L3MBTL4: variants seen among roughly 807,000 people sequenced by gnomAD.
The protein encoded by L3MBTL4 is L3MBTL histone methyl-lysine binding protein 4.
In L3MBTL4, 70 loss-of-function variants were observed where a neutral mutation model predicts 84.5. The ratio of observed to expected loss-of-function variants is 0.83; its 90% CI spans 0.68 to 1.01. The LOEUF (loss-of-function observed/expected upper bound fraction) is 1.01, where lower values mean the gene tolerates loss of function less well. Ranked by LOEUF, L3MBTL4 falls within the 50% of genes least tolerant of loss-of-function variation. The probability of loss-of-function intolerance (pLI) is 0.00; values close to 1 mark genes in which losing one functional copy is unlikely to be tolerated. For synonymous variants in L3MBTL4, 274 were observed against 259.8 expected, an observed-to-expected ratio of 1.05 and a Z score of -0.52; for missense variants, 715 against 754.8, an observed-to-expected ratio of 0.95 and a Z score of 0.62.
chr18:6,079,972 C>A (rs2058015630), intron 16 of L3MBTL4: 1 of 152,248 alleles, frequency 6.6e-6, no homozygotes, highest in African/African-American at 2.4e-5. Context: ...ATGAAATCCA[C>A]AATTCCTCCA....
intron 15 of L3MBTL4, 36 bp from the exon 16 acceptor site, chr18:6,080,987 A>G: frequency 6.7e-7 from 1 of 1,493,874 alleles, no homozygotes; most frequent in Non-Finnish European, 9.2e-7. Context: ...TAGATTCATT[A>G]TCCTGTGAGG....
chr18:6,170,074 C>T (rs569631453), intron 13 of L3MBTL4, among the ~76,000 whole-genome samples: 69 of 152,058 alleles, frequency 4.5e-4, no homozygotes, highest in South Asian at 2.7e-3. Flanking sequence ...TAAATTCATG[C>T]GATAGATATT....
intron 16 of L3MBTL4, among the ~76,000 whole-genome samples, chr18:5,971,469 A>G (rs2052639093): frequency 6.6e-6 from 1 of 152,236 alleles, no homozygotes. Context: ...TCTCAAACTC[A>G]TGCCCTGGGT....
chr18:5,999,128 T>C (rs1490342574), intron 16 of L3MBTL4, among the ~76,000 whole-genome samples: 2 of 152,192 alleles, frequency 1.3e-5, no homozygotes, highest in East Asian at 3.9e-4. Flanking sequence ...CAGATGTGTC[T>C]CTGGTGTAGT....
At chr18:6,344,744 A>T (rs2052790613) in intron 1 of L3MBTL4, among the ~76,000 whole-genome samples, 1 of 152,176 alleles carries the variant, frequency 6.6e-6, no homozygotes. Context: ...AAATCAATAA[A>T]TGTCATATGC....
chr18:5,968,900 T>G (rs1449290123), intron 17 of L3MBTL4, among the ~76,000 whole-genome samples: 3 of 152,158 alleles, frequency 2.0e-5, no homozygotes, highest in Non-Finnish European at 4.4e-5. Flanking sequence ...TGAGCAAACC[T>G]GCAGCAGGGG....
intron 13 of L3MBTL4, among the ~76,000 whole-genome samples, chr18:6,164,067 G>A (rs187746105): frequency 2.8e-4 from 42 of 152,302 alleles, no homozygotes; most frequent in Admixed American, 2.4e-3. Context: ...CTATGCCCAC[G>A]GAGCCTCGCT....
chr18:6,248,844 C>T (rs1001555888), intron 5 of L3MBTL4, among the ~76,000 whole-genome samples: 1 of 152,128 alleles, frequency 6.6e-6, no homozygotes, highest in Non-Finnish European at 1.5e-5. Context: ...TTCTTCTATA[C>T]TTGGATGCAA....
At chr18:6,052,021 G>A (rs2056860185) in intron 16 of L3MBTL4, among the ~76,000 whole-genome samples, 1 of 152,188 alleles carries the variant, frequency 6.6e-6, no homozygotes. Flanking sequence ...ATTGAGCTCT[G>A]AGGTGTTTCC....
chr18:6,134,998 G>T (rs1051502314), intron 14 of L3MBTL4, among the ~76,000 whole-genome samples: 4 of 152,180 alleles, frequency 2.6e-5, no homozygotes, highest in African/African-American at 9.7e-5. Flanking sequence ...ACTTTTGCTT[G>T]GGCATCCAGG....
chr18:6,186,017 T>G (rs1439799213), intron 12 of L3MBTL4, among the ~76,000 whole-genome samples: 2 of 147,682 alleles, frequency 1.4e-5, no homozygotes, highest in African/African-American at 5.3e-5. Flanking sequence ...TTATTTTATT[T>G]TATTTTATTT....
chr18:6,309,936 C>T (rs2050752324), intron 3 of L3MBTL4, among the ~76,000 whole-genome samples: 1 of 152,190 alleles, frequency 6.6e-6, no homozygotes, highest in African/African-American at 2.4e-5. Context: ...AGCCACTTCC[C>T]TAGGACAATG....
At chr18:6,018,366 G>T (rs780402562) in intron 16 of L3MBTL4, among the ~76,000 whole-genome samples, 2 of 152,156 alleles carry the variant, frequency 1.3e-5, no homozygotes, top group African/African-American at 2.4e-5. Context: ...GTGAGCAAAG[G>T]CTGCACGGGT....
chr18:5,972,892 GAGAATAGAAT>G (rs5822882), intron 16 of L3MBTL4, among the ~76,000 whole-genome samples: 6,646 of 130,828 alleles, frequency 0.051, 183 homozygotes, highest in Middle Eastern at 0.1. Flanking sequence ...TAGAACAGAA[GAGAATAGAAT>G]AGAATAGAAT....
chr18:6,354,037 A>G (rs1213191092), intron 1 of L3MBTL4, among the ~76,000 whole-genome samples: 1 of 152,186 alleles, frequency 6.6e-6, no homozygotes, highest in African/African-American at 2.4e-5. Context: ...AAATTATACT[A>G]CAGAGCTACA....
At chr18:6,177,656 G>T (rs2044282259) in intron 12 of L3MBTL4, among the ~76,000 whole-genome samples, 1 of 152,156 alleles carries the variant, frequency 6.6e-6, no homozygotes, top group Non-Finnish European at 1.5e-5. Flanking sequence ...ACATTCAGCT[G>T]CTGTCACATG....
intron 16 of L3MBTL4, among the ~76,000 whole-genome samples, chr18:6,063,722 ATTTG>A (rs1449555019): frequency 1.3e-5 from 2 of 149,920 alleles, no homozygotes; most frequent in African/African-American, 4.9e-5. Context: ...TTTCTTGCTG[ATTTG>A]TTTGAGTACC....
rs73381973 is a variant in L3MBTL4 at position 6,159,631 on chromosome 18, C to T, written c.1096+12197G>A. Among the ~76,000 whole-genome samples, 683 of 152,334 alleles carry T rather than the reference C, an allele frequency of 4.5e-3. 8 individuals are homozygous for T. Among genetic ancestry groups the T allele is most frequent in the African/African-American group, 0.016 (653 of 41,584 alleles). ...GCCCAGCTTAATCTGACGCGATGGT[C>T]CCTGCACGGGAGGCTCCAGGGCATG... On this transcript the variant is annotated intron_variant, in intron 13 of 18. Transcript: ENST00000317931.
At chr18:6,257,417 C>G (rs2048190347) in intron 5 of L3MBTL4, among the ~76,000 whole-genome samples, 1 of 151,246 alleles carries the variant, frequency 6.6e-6, no homozygotes, top group East Asian at 2.0e-4. Context: ...ATGAACTGAC[C>G]CAAAGGTCAG....
Sources: allele counts gnomAD v4.1 joint callset (sites outside exome capture counted in the v4.1 genomes callset), GRCh38; gene constraint gnomAD v4.1.1; transcripts MANE v1.5; gene names NCBI Gene and HGNC (gene_info 2026-07-23, HGNC 2026-07-21).